FBXO10: variants seen among roughly 807,000 people sequenced by gnomAD.
FBXO10 encodes the protein F-box protein 10, also known as F-box only protein 10.
Under a neutral mutation model 80.7 loss-of-function variants are expected in FBXO10, and 39 were observed. The ratio of observed to expected loss-of-function variants is 0.48; its 90% CI spans 0.37 to 0.63. The LOEUF is 0.63. FBXO10 is among the 30% of genes least tolerant of loss of function. FBXO10 has a pLI of 0.00. For synonymous variants in FBXO10, 449 were observed against 489.6 expected (o/e 0.92, Z 1.09); for missense variants, 1,025 against 1,269.0 (o/e 0.81, Z 2.92).
chr9:37,535,826 C>T, intron 3 of FBXO10, among the ~76,000 whole-genome samples: 1 of 152,156 alleles, frequency 6.6e-6, no homozygotes, highest in African/African-American at 2.4e-5. Context: ...TCTGGGCCTT[C>T]ACACACACCT....
intron 6 of FBXO10, among the ~76,000 whole-genome samples, 153 bp downstream of exon 6, chr9:37,524,949 C>G (rs1263053559): frequency 6.6e-6 from 1 of 152,196 alleles, no homozygotes; most frequent in Non-Finnish European, 1.5e-5. Flanking sequence ...GCACAGCCAC[C>G]ATGCAGCTGG....
rs1177882307 is a variant in FBXO10, at chr9:37,542,510, GC to G, written c.-6-737del. Among the ~76,000 whole-genome samples, 3 of 150,462 alleles carry G rather than the reference GC, an allele frequency of 2.0e-5. No homozygotes were observed. In the East Asian group the frequency reaches 5.9e-4, roughly 30 times the overall value. On this transcript the variant is annotated intron_variant, in intron 1 of 10. Transcript: ENST00000432825. ...CTTGGGAGTCTGAGGCAGGAGAATC[GC>G]TTGAACCCAGGGAGGCAGGGATTGC...
At chr9:37,548,288 G>A (rs1822107961) in intron 1 of FBXO10, among the ~76,000 whole-genome samples, 1 of 152,092 alleles carries the variant, frequency 6.6e-6, no homozygotes, top group African/African-American at 2.4e-5. Context: ...AGGAGGCTGA[G>A]GCAGGAGAAT....
intron 4 of FBXO10, among the ~76,000 whole-genome samples, chr9:37,530,381 G>A (rs1410091343): frequency 6.6e-6 from 1 of 152,178 alleles, no homozygotes; most frequent in Non-Finnish European, 1.5e-5. Flanking sequence ...AGCTCCAAAA[G>A]GAGTATGCAG....
At chr9:37,518,074 G>C in intron 9 of FBXO10, 51 bp downstream of exon 9, 1 of 1,543,032 alleles carries the variant, frequency 6.5e-7, no homozygotes, top group Admixed American at 1.8e-5. Flanking sequence ...ACTATCCCAG[G>C]GTTGTGCCCT....
rs1234686514 is a variant in FBXO10 at position 37,540,891 on chromosome 9, G to A, written c.585+293C>T. Among the ~76,000 whole-genome samples the A allele has an allele frequency of 3.3e-5, 5 of 152,286 alleles. No homozygotes were observed. The East Asian group carries it at 5.8e-4, about 18-fold the overall frequency. On this transcript the variant is annotated intron_variant, in intron 2 of 10. Coordinates refer to ENST00000432825, the MANE Select transcript of FBXO10 (RefSeq NM_012166.3). ...GCTTCCAGAACCTGGCTTTCCCGCC[G>A]CTGCTAGACTGGTGGCTCCAGTTGG...
Position 37,529,232 on chromosome 9 carries a change from G to A in FBXO10, c.1598C>T (p.Ser533Phe), listed in dbSNP as rs1821554595. 6.2e-7 allele frequency: 1 copy of A among 1,611,914 alleles called. No individual in the cohort carries two copies. The highest frequency in any genetic ancestry group is 8.5e-7 in the Non-Finnish European group (1 of 1,179,004). The change falls in exon 5 of 11, where the codon TCT becomes TTT. Residue 533 changes from serine to phenylalanine, a missense_variant. Around this residue, in one of 3 missense-constraint regions of FBXO10, gnomAD observed 478 missense variants for 667.8 expected, o/e 0.72. Transcript: ENST00000432825. Reference sequence around the variant, plus strand: ...CCCATTGCCAAGGACGACAATGCCAGAGCGAAGGCCATGGTGGATCTGGTT... The same window carrying A: ...CCCATTGCCAAGGACGACAATGCCAAAGCGAAGGCCATGGTGGATCTGGTT... The part of the protein sequence containing the change: ...LCNQIHHGLR[S>F]GIVVLGNGKG...
rs117381585 is a variant in FBXO10, at chr9:37,573,454, C to T, written c.-7+2757G>A. Among the ~76,000 whole-genome samples the T allele has an allele frequency of 4.9e-4, 75 of 152,266 alleles. No individual in the cohort carries two copies. The East Asian group carries it at 0.013, about 27-fold the overall frequency. Reference sequence around the variant, plus strand: ...GGAATCATGCTGGCAGAGATTTGGTCCAATAAGGGCATTGAGCAGCAGTGA... The same window carrying T: ...GGAATCATGCTGGCAGAGATTTGGTTCAATAAGGGCATTGAGCAGCAGTGA... On this transcript the variant is annotated intron_variant, in intron 1 of 10. Transcript: ENST00000432825.
chr9:37,554,273 CAGTTCTA>C (rs1822281310), intron 1 of FBXO10, among the ~76,000 whole-genome samples: 1 of 152,192 alleles, frequency 6.6e-6, no homozygotes, highest in Non-Finnish European at 1.5e-5. Context: ...ATCTGTCCTC[CAGTTCTA>C]AAACTGTATC....
chr9:37,523,916 C>G (rs1046156350), intron 6 of FBXO10, among the ~76,000 whole-genome samples: 38 of 152,164 alleles, frequency 2.5e-4, no homozygotes, highest in African/African-American at 8.9e-4. Flanking sequence ...AGTGAAATTC[C>G]GTCTCAAAAA....
chr9:37,525,764 C>T (rs1324932983), intron 5 of FBXO10, among the ~76,000 whole-genome samples: 2 of 152,070 alleles, frequency 1.3e-5, no homozygotes, highest in African/African-American at 2.4e-5. Context: ...GTCTCGAACT[C>T]CTGGCCTCAA....
At chr9:37,569,247 G>T (rs1035941245) in intron 1 of FBXO10, among the ~76,000 whole-genome samples, 2 of 143,806 alleles carry the variant, frequency 1.4e-5, no homozygotes, top group Non-Finnish European at 3.1e-5. Context: ...ACACTATCAG[G>T]TAAAGTATAA....
intron 5 of FBXO10, among the ~76,000 whole-genome samples, chr9:37,527,473 T>C (rs568084371): frequency 6.6e-6 from 1 of 152,290 alleles, no homozygotes; most frequent in East Asian, 1.9e-4. Context: ...TTCTCAGACA[T>C]ACCCTGAATT....
intron 1 of FBXO10, among the ~76,000 whole-genome samples, chr9:37,550,947 G>C (rs1822183839): frequency 1.3e-5 from 2 of 152,190 alleles, no homozygotes; most frequent in African/African-American, 4.8e-5. Flanking sequence ...ATCTAAACCA[G>C]ATATGGATGA....
At chr9:37,566,818 A>C (rs1822618456) in intron 1 of FBXO10, among the ~76,000 whole-genome samples, 1 of 152,236 alleles carries the variant, frequency 6.6e-6, no homozygotes, top group Non-Finnish European at 1.5e-5. Context: ...TCATTTCTTC[A>C]AACCGTAGCT....
At chr9:37,522,409 G>C in intron 7 of FBXO10, 1 of 1,024,280 alleles carries the variant, frequency 9.8e-7, no homozygotes, top group Non-Finnish European at 1.2e-6. Flanking sequence ...ACAGATGAAG[G>C]CTCTGCCCAA....
In FBXO10 at chr9:37,510,901, T is replaced by G. The variant is rs892390353; in HGVS notation, c.*1646A>C. The G allele has an allele frequency of 6.5e-6, 1 of 152,700 alleles. No homozygotes were observed. Among genetic ancestry groups the G allele is most frequent in the African/African-American group, 2.4e-5 (1 of 41,474 alleles). The allele number at this position is 152,700 out of a possible 1,614,324, so 9.5% of individuals were successfully genotyped here. On this transcript the variant is annotated 3_prime_UTR_variant, in exon 11 of 11. Coordinates refer to ENST00000432825, the MANE Select transcript of FBXO10 (RefSeq NM_012166.3). Reference sequence around the variant, plus strand: ...GAAAGGCTTCCAAAAGTGCCTTTTTTAAAATATAGAACTTTATTTTGGTTA... The same window carrying G: ...GAAAGGCTTCCAAAAGTGCCTTTTTGAAAATATAGAACTTTATTTTGGTTA...
At chr9:37,555,260 G>A (rs1822305656) in intron 1 of FBXO10, among the ~76,000 whole-genome samples, 1 of 151,772 alleles carries the variant, frequency 6.6e-6, no homozygotes, top group Admixed American at 6.6e-5. Context: ...GGTATGTAAT[G>A]GTATATCATT....
At chr9:37,531,875 G>A (rs11789166) in intron 4 of FBXO10, 34 bp downstream of exon 4, 150,464 of 1,605,692 alleles carry the variant, frequency 0.094, 7,396 homozygotes, top group South Asian at 0.12. Flanking sequence ...TGAAAACCAA[G>A]AGTCACCCTG....
Sources: allele counts gnomAD v4.1 joint callset (sites outside exome capture counted in the v4.1 genomes callset), GRCh38; gene constraint gnomAD v4.1.1; regional missense constraint gnomAD v4.1.1; transcripts MANE v1.5; gene names NCBI Gene and HGNC (gene_info 2026-07-23, HGNC 2026-07-21).